Variants in NRDE2 observed in about 807,000 individuals in gnomAD.
NRDE2 encodes the protein NRDE-2, necessary for RNA interference, domain containing.
A neutral mutation model predicts 124.2 loss-of-function variants in NRDE2; 76 were observed. The observed-to-expected ratio is 0.61, with a 90% CI of 0.51 to 0.74. NRDE2 has a LOEUF of 0.74. Ranked by LOEUF, NRDE2 falls within the 30% of genes least tolerant of loss-of-function variation. NRDE2 has a pLI of 0.00. For missense variants in NRDE2, 1,314 were observed against 1,417.3 expected (o/e 0.93, Z 1.17); for synonymous variants, 489 against 528.1 (o/e 0.93, Z 1.01).
chr14:90,328,194 T>A lies in NRDE2; in HGVS notation c.64+3647A>T, dbSNP rs1885520933. 2.0e-5 allele frequency among the ~76,000 whole-genome samples: 3 copies of A among 148,458 alleles called. No individual in the cohort carries two copies. The South Asian group carries it at 6.4e-4, about 32-fold the overall frequency. On this transcript the variant is annotated intron_variant, in intron 1 of 13. Transcript: ENST00000354366. ...TGGTGGCGCATGCCTGTAGTCCCAG[T>A]TACTAGGGAGGCTGAGGCAGGAGAA... is the stretch of plus-strand genomic sequence containing the variant.
rs1360808989 is a variant in NRDE2, at chr14:90,309,451, C to T, written c.557+2943G>A. 3.9e-5 allele frequency among the ~76,000 whole-genome samples: 5 copies of T among 127,076 alleles called. No individual in the cohort carries two copies. In the South Asian group the frequency reaches 7.7e-4, roughly 20 times the overall value. The allele number at this position is 127,076 out of a possible 152,430, so 83.4% of individuals were successfully genotyped here. A position where few individuals can be genotyped will look rare whatever the true frequency, so the allele number is the denominator to read the frequency against. ...TAGCATCACTGCACTCCAACCTGGG[C>T]GACAGAGCAAGACTCTGTCTCAAAA... On this transcript the variant is annotated intron_variant, in intron 4 of 13. Coordinates refer to ENST00000354366, the MANE Select transcript of NRDE2 (RefSeq NM_017970.4).
intron 1 of NRDE2, among the ~76,000 whole-genome samples, chr14:90,329,969 G>A (rs968472834): frequency 6.6e-6 from 1 of 151,908 alleles, no homozygotes; most frequent in Non-Finnish European, 1.5e-5. Flanking sequence ...CACTTTGGGA[G>A]GCTATGGTGG....
Position 90,279,111 on chromosome 14 carries a change from C to A in NRDE2, c.3320G>T (p.Arg1107Ile). 1 of 1,612,260 alleles carries A rather than the reference C, an allele frequency of 6.2e-7. No homozygotes were observed. Among genetic ancestry groups the A allele is most frequent in the Non-Finnish European group, 8.5e-7 (1 of 1,178,266 alleles). The change falls in exon 13 of 14, where the codon AGA becomes ATA. Residue 1107 changes from arginine (R) to isoleucine (I), a missense_variant. Transcript: ENST00000354366. ...NFLVSLGNKERSKGVFYKALQ... is the reference protein window; with the variant it reads ...NFLVSLGNKEISKGVFYKALQ... ...TGCTTTGTAGAATACACCTTTGCTT[C>A]TTTCTTTATTTCCTAAGGAAACCTG...
chr14:90,267,979 T>C lies in NRDE2; in HGVS notation c.*10357A>G. 1 of 386,502 alleles carries C rather than the reference T, an allele frequency of 2.6e-6. No individual in the cohort carries two copies. 23.9% of individuals were successfully genotyped at this position (386,502 alleles called of 1,614,324 possible). A position where few individuals can be genotyped will look rare whatever the true frequency, so the allele number is the denominator to read the frequency against. ...TGGAAAATAACCAAGTAAAAAGTAT[T>C]TTCTGACGTTATCATAAGTTCAGCA... On this transcript the variant is annotated 3_prime_UTR_variant, in exon 14 of 14. Transcript: ENST00000354366.
At chr14:90,302,669 C>G (rs373170525) in intron 6 of NRDE2, 51 bp downstream of exon 6, 113 of 1,469,174 alleles carry the variant, frequency 7.7e-5, no homozygotes, top group Non-Finnish European at 1.0e-4. Flanking sequence ...CAAGTAAAGC[C>G]AAAAGAAAGT....
At chr14:90,299,624 T>C (rs1352844610) in intron 7 of NRDE2, among the ~76,000 whole-genome samples, 1 of 152,136 alleles carries the variant, frequency 6.6e-6, no homozygotes, top group Non-Finnish European at 1.5e-5. Context: ...CAGGATTATC[T>C]AGCCTGAGCC....
chr14:90,312,976 C>T (rs1275611236), intron 3 of NRDE2, among the ~76,000 whole-genome samples: 1 of 152,180 alleles, frequency 6.6e-6, no homozygotes. Context: ...AAGGTGACAA[C>T]ACCAATAATC....
intron 12 of NRDE2, chr14:90,281,704 CTCT>C (rs1235425072): frequency 6.6e-6 from 1 of 152,128 alleles, no homozygotes; most frequent in Non-Finnish European, 1.5e-5. Context: ...AATTTTGATT[CTCT>C]TTTTTTATCT....
rs550289054 is a variant in NRDE2, at chr14:90,287,721, CACTTTGT to C, written c.3158+489_3158+495del. On this transcript the variant is annotated intron_variant, in intron 11 of 13. Coordinates refer to ENST00000354366, the MANE Select transcript of NRDE2 (RefSeq NM_017970.4). ...CTGACAGAAGCTCCCAGTCATTACA[CACTTTGT>C]ACCAAGCACTTACCTCACTGACCCC... 1.3e-3 allele frequency among the ~76,000 whole-genome samples: 197 copies of C among 152,294 alleles called. 1 individual carries two copies. The Middle Eastern group carries it at 0.02, about 16-fold the overall frequency.
chr14:90,309,582 A>G (rs1263017045), intron 4 of NRDE2, among the ~76,000 whole-genome samples: 1 of 151,992 alleles, frequency 6.6e-6, no homozygotes, highest in Non-Finnish European at 1.5e-5. Context: ...CTCTCTTCCT[A>G]TAAAACACAC....
intron 13 of NRDE2, 124 bp from the exon 14 acceptor site, chr14:90,278,585 TC>T: frequency 4.2e-6 from 5 of 1,200,964 alleles, no homozygotes; most frequent in Non-Finnish European, 5.8e-6. Flanking sequence ...CGGCCCCTGC[TC>T]CCCTTGGCTG....
At chr14:90,307,632 T>C (rs1055178494) in intron 4 of NRDE2, among the ~76,000 whole-genome samples, 4 of 152,046 alleles carry the variant, frequency 2.6e-5, no homozygotes, top group Admixed American at 6.6e-5. Flanking sequence ...CCTCAGCACT[T>C]TGGGAGGCCA....
chr14:90,318,752 T>C (rs754217374), intron 1 of NRDE2, among the ~76,000 whole-genome samples: 3 of 152,164 alleles, frequency 2.0e-5, no homozygotes, highest in Admixed American at 1.3e-4. Context: ...TGAGCCGGTA[T>C]CACGCCACTG....
Position 90,314,080 on chromosome 14 carries a change from G to A in NRDE2, c.408-1537C>T, listed in dbSNP as rs191073974. 1.6e-4 allele frequency among the ~76,000 whole-genome samples: 24 copies of A among 152,286 alleles called. No individual in the cohort carries two copies. In the East Asian group the frequency reaches 3.1e-3, roughly 20 times the overall value. On this transcript the variant is annotated intron_variant, in intron 3 of 13. Coordinates refer to ENST00000354366, the MANE Select transcript of NRDE2 (RefSeq NM_017970.4). ...TCAACAGGCCCTTTCCTCTCCCCTC[G>A]GCGGTACTGAGCTAAGGAAGCAGGA...
Position 90,302,910 on chromosome 14 carries a change from C to T in NRDE2, c.1221G>A (p.Leu407=), listed in dbSNP as rs768548445. ...PSTLVKEWQK[L]IFLHPNNTAL... ...CTGTATTATTGGGATGCAAAAATAT[C>T]AGTTTCTGCCACTCTTTGACCAGAG... The change falls in exon 6 of 14, where the codon CTG becomes CTA. Residue 407 remains leucine (L), a synonymous_variant. Transcript: ENST00000354366. 1 of 1,613,950 alleles carries T rather than the reference C, an allele frequency of 6.2e-7. No individual in the cohort carries two copies. The highest frequency in any genetic ancestry group is 8.5e-7 in the Non-Finnish European group (1 of 1,180,024).
chr14:90,319,539 T>C (rs1885169161), intron 1 of NRDE2, among the ~76,000 whole-genome samples: 1 of 151,972 alleles, frequency 6.6e-6, no homozygotes, highest in Non-Finnish European at 1.5e-5. Context: ...ACTAACCTGC[T>C]TTCTATCTCT....
intron 9 of NRDE2, among the ~76,000 whole-genome samples, chr14:90,291,075 TCAAAACTAGATAAACAGA>T (rs916472148): frequency 6.6e-6 from 1 of 152,136 alleles, no homozygotes; most frequent in Non-Finnish European, 1.5e-5. Context: ...AAAAATATAC[TCAAAACTAGATAAACAGA>T]CAAAACTAGA....
intron 1 of NRDE2, among the ~76,000 whole-genome samples, chr14:90,320,355 G>A (rs1885198278): frequency 6.6e-6 from 1 of 152,168 alleles, no homozygotes; most frequent in African/African-American, 2.4e-5. Context: ...AAGAGCAAAG[G>A]GGGAAGAGCC....
intron 3 of NRDE2, 66 bp downstream of exon 3, chr14:90,316,512 G>A (rs546586466): frequency 7.7e-5 from 84 of 1,096,746 alleles, no homozygotes; most frequent in African/African-American, 2.0e-4. Flanking sequence ...TCTAATTTGC[G>A]GCAACAATTA....
Sources: allele counts gnomAD v4.1 joint callset (sites outside exome capture counted in the v4.1 genomes callset), GRCh38; gene constraint gnomAD v4.1.1; transcripts MANE v1.5; gene names NCBI Gene and HGNC (gene_info 2026-07-23, HGNC 2026-07-21).